Variants in CGREF1 observed in about 807,000 individuals in gnomAD.
CGREF1 encodes cell growth regulator with EF-hand domain 1, also known as cell growth regulator with EF hand domain protein 1.
CGREF1 carries 16 observed loss-of-function variants against 17.4 expected under a neutral mutation model. That is an observed-to-expected ratio of 0.92 (90% CI 0.62 to 1.40). The LOEUF is 1.40. Among genes scored for constraint, CGREF1 ranks in the 40% most tolerant of loss-of-function variants. The pLI, the probability that CGREF1 is intolerant of heterozygous loss-of-function variation, is 0.00. For missense variants in CGREF1, 296 were observed against 376.4 expected, an observed-to-expected ratio of 0.79 and a Z score of 1.77; for synonymous variants, 142 against 154.6, an observed-to-expected ratio of 0.92 and a Z score of 0.61.
chr2:27,107,406 C>T (rs1300286937), intron 1 of CGREF1, among the ~76,000 whole-genome samples: 3 of 152,026 alleles, frequency 2.0e-5, no homozygotes, highest in Non-Finnish European at 2.9e-5. Flanking sequence ...AGGCATGTGC[C>T]ACCACGCCCT....
At chr2:27,109,885 C>CAAAAAAAAAA (rs55824603) in intron 1 of CGREF1, among the ~76,000 whole-genome samples, 4 of 65,836 alleles carry the variant, frequency 6.1e-5, no homozygotes, top group African/African-American at 2.6e-4. Flanking sequence ...GACTCCGTCT[C>CAAAAAAAAAA]AAAAAAAAAA....
chr2:27,117,279 A>G (rs945812773), intron 1 of CGREF1, among the ~76,000 whole-genome samples: 2 of 152,220 alleles, frequency 1.3e-5, no homozygotes, highest in African/African-American at 4.8e-5. Flanking sequence ...GTTTAAGGAA[A>G]GGCTAAGACA....
At chr2:27,113,832 A>AC (rs1380703187) in intron 1 of CGREF1, among the ~76,000 whole-genome samples, 1 of 151,492 alleles carries the variant, frequency 6.6e-6, no homozygotes, top group Non-Finnish European at 1.5e-5. Flanking sequence ...GGCTTCACAC[A>AC]CCCCCTTCCC....
chr2:27,102,228 A>C lies in CGREF1; in HGVS notation c.218-7T>G. 1 of 1,610,700 alleles carries C rather than the reference A, an allele frequency of 6.2e-7. No homozygotes were observed. The highest frequency in any genetic ancestry group is 8.5e-7 in the Non-Finnish European group (1 of 1,177,326). ...GCAAAGAGGTAGAGGAGAACTAAAG[A>C]GAAGAGAAGCTGGATTAGAAGAGGT... On this transcript the variant is annotated splice_polypyrimidine_tract_variant and splice_region_variant and intron_variant, in intron 4 of 5. Coordinates refer to ENST00000402394, the MANE Select transcript of CGREF1 (RefSeq NM_006569.6).
rs1285887916 is a variant in CGREF1, at chr2:27,101,039, T to C, written c.*235A>G. ...CCCCAACCCCGTTCCTCTGAGAGGG[T>C]CTGGGCAGGCTGGACGGGTAGAGAG... On this transcript the variant is annotated 3_prime_UTR_variant, in exon 6 of 6. Coordinates refer to ENST00000402394, the MANE Select transcript of CGREF1 (RefSeq NM_006569.6). 2 of 1,323,672 alleles carry C rather than the reference T, an allele frequency of 1.5e-6. No homozygotes were observed. The highest frequency in any genetic ancestry group is 5.8e-5 in the East Asian group (2 of 34,440). 82.0% of individuals were successfully genotyped at this position (1,323,672 alleles called of 1,614,324 possible).
chr2:27,105,937 T>C (rs922986611), intron 1 of CGREF1, among the ~76,000 whole-genome samples: 3 of 152,306 alleles, frequency 2.0e-5, no homozygotes, highest in Admixed American at 2.0e-4. Context: ...TAGCCAAAAA[T>C]AGATGCTGAA....
intron 1 of CGREF1, among the ~76,000 whole-genome samples, chr2:27,109,187 T>C (rs561694790): frequency 1.3e-5 from 2 of 151,706 alleles, no homozygotes; most frequent in Non-Finnish European, 2.9e-5. Flanking sequence ...CTGGGCAATA[T>C]AGTGAGACTC....
At chr2:27,099,713 A>G, downstream of CGREF1, 1 of 1,614,102 alleles carries the variant, frequency 6.2e-7, no homozygotes, top group Middle Eastern at 1.7e-4. Context: ...GTGGCCGGCA[A>G]GAAGTGTGGC....
In CGREF1 at chr2:27,101,599, T is replaced by G. The variant is rs1382014234; in HGVS notation, c.632A>C (p.Gln211Pro). The G allele has an allele frequency of 4.3e-6, 7 of 1,613,994 alleles. No individual in the cohort carries two copies. Among genetic ancestry groups the G allele is most frequent in the Non-Finnish European group, 5.9e-6 (7 of 1,180,034 alleles). Residue 211 changes from glutamine to proline, a missense_variant, in exon 6 of 6, where the codon CAG becomes CCG. Physicochemically the swap from Gln to Pro is moderately conservative, Grantham distance 76. This residue lies in a region of CGREF1 where 247 missense variants were observed against 267.2 expected (regional missense o/e 0.92). Transcript: ENST00000402394. ...TGGAACATCTCCATCAGCCTCTGCC[T>G]GGCCCCCAGGCTCCTGGACAGGATC... The part of the protein sequence containing the change: ...SLDPVQEPGG[Q>P]AEADGDVPGP...
chr2:27,101,781 C>A lies in CGREF1; in HGVS notation c.450G>T (p.Val150=). 6.2e-7 allele frequency: 1 copy of A among 1,614,222 alleles called. No homozygotes were observed. Among genetic ancestry groups the A allele is most frequent in the Non-Finnish European group, 8.5e-7 (1 of 1,180,036 alleles). The change falls in exon 6 of 6, where the codon GTG becomes GTT. Residue 150 remains valine (V), a synonymous_variant. Transcript: ENST00000402394. ...INFPGVALRH[V]EPGEPLAPSP... The stretch of plus-strand genomic sequence containing the variant: ...ATGGAGCAAGGGGCTCTCCGGGCTC[C>A]ACGTGCCTGAGGGCTACTCCCGGGA...
Position 27,101,175 on chromosome 2 carries a change from G to T in CGREF1, c.*99C>A, listed in dbSNP as rs761048772. 3.3e-6 allele frequency: 5 copies of T among 1,493,430 alleles called. No individual in the cohort carries two copies. The highest frequency in any genetic ancestry group is 4.4e-6 in the Non-Finnish European group (5 of 1,127,812). 92.5% of individuals were successfully genotyped at this position (1,493,430 alleles called of 1,614,324 possible). A position where few individuals can be genotyped will look rare whatever the true frequency, so the allele number is the denominator to read the frequency against. On this transcript the variant is annotated 3_prime_UTR_variant, in exon 6 of 6. Coordinates refer to ENST00000402394, the MANE Select transcript of CGREF1 (RefSeq NM_006569.6). ...GATACCTACTGGGACCAGGCAGGGGGCACAGAGATGGTCCTTGTCCCAGCG... is the reference window on the plus strand; with the variant it reads ...GATACCTACTGGGACCAGGCAGGGGTCACAGAGATGGTCCTTGTCCCAGCG...
chr2:27,104,736 A>G, intron 1 of CGREF1: 1 of 1,519,104 alleles, frequency 6.6e-7, no homozygotes, highest in South Asian at 1.2e-5. Context: ...CATTCATCTT[A>G]CAGATGGAAA....
At chr2:27,102,014 C>A (rs1453708952) in intron 5 of CGREF1, 83 bp downstream of exon 5, 3 of 1,559,300 alleles carry the variant, frequency 1.9e-6, no homozygotes, top group African/African-American at 2.7e-5. Flanking sequence ...AGAGGACTCA[C>A]CAAAAGAGTT....
chr2:27,106,802 G>A (rs1671138210), intron 1 of CGREF1, among the ~76,000 whole-genome samples: 1 of 152,112 alleles, frequency 6.6e-6, no homozygotes, highest in African/African-American at 2.4e-5. Context: ...ATTTTTACTA[G>A]AGACAGAGTT....
Position 27,102,704 on chromosome 2 carries a change from G to T in CGREF1, c.81-113C>A. On this transcript the variant is annotated intron_variant, in intron 2 of 5. Transcript: ENST00000402394. ...TTTCTCCCCAGACCCAAAGGGAGTT[G>T]CCCCCAAAATTCCAAAAACCCTGTA... The T allele has an allele frequency of 2.4e-6, 3 of 1,226,888 alleles. No homozygotes were observed. The South Asian group carries it at 4.5e-5, about 19-fold the overall frequency. The allele number at this position is 1,226,888 out of a possible 1,614,324, so 76.0% of individuals were successfully genotyped here. A position where few individuals can be genotyped will look rare whatever the true frequency, so the allele number is the denominator to read the frequency against.
intron 1 of CGREF1, among the ~76,000 whole-genome samples, chr2:27,107,783 A>C (rs1309224388): frequency 6.8e-6 from 1 of 146,258 alleles, no homozygotes; most frequent in Non-Finnish European, 1.5e-5. Flanking sequence ...AAATACAAAA[A>C]ATTAGCCAGG....
At chr2:27,105,445 A>G (rs1383257003) in intron 1 of CGREF1, among the ~76,000 whole-genome samples, 2 of 152,230 alleles carry the variant, frequency 1.3e-5, no homozygotes, top group African/African-American at 4.8e-5. Flanking sequence ...GGGAAGATAA[A>G]CAAAATTCTG....
intron 1 of CGREF1, among the ~76,000 whole-genome samples, chr2:27,107,933 CAAAA>C (rs143132359): frequency 0.018 from 1,706 of 95,810 alleles, 34 homozygotes; most frequent in African/African-American, 0.065. Flanking sequence ...GACTCTGTCT[CAAAA>C]AAAAAAAAAA....
downstream of CGREF1, chr2:27,099,677 A>C (rs776433978): frequency 1.7e-5 from 28 of 1,614,146 alleles, no homozygotes; most frequent in Non-Finnish European, 2.4e-5. Context: ...AGGAGCGTGC[A>C]GGAAGCACTG....
Sources: gnomAD v4.1 joint callset for allele counts (sites outside exome capture counted in the v4.1 genomes callset) on GRCh38, gnomAD v4.1.1 for gene constraint, gnomAD v4.1.1 regional missense constraint, MANE v1.5 for transcripts, NCBI Gene and HGNC (gene_info 2026-07-23, HGNC 2026-07-21) for gene names.